Variants in RAD54L2 observed in about 807,000 individuals in gnomAD.
The protein encoded by RAD54L2 is RAD54 like 2, also known as helicase ARIP4.
In RAD54L2, 27 loss-of-function variants were observed where a neutral mutation model predicts 138.4. The ratio of observed to expected loss-of-function variants is 0.20; its 90% CI spans 0.14 to 0.27. The LOEUF is 0.27. Among genes scored for constraint, RAD54L2 ranks in the 10% least tolerant of loss-of-function variants. The pLI is 1.00. For missense variants in RAD54L2, 1,396 were observed against 1,890.2 expected, an observed-to-expected ratio of 0.74 and a Z score of 4.85; for synonymous variants, 644 against 723.2, an observed-to-expected ratio of 0.89 and a Z score of 1.76.
chr3:51,552,706 G>A (rs1698869425), intron 2 of RAD54L2, among the ~76,000 whole-genome samples: 1 of 151,652 alleles, frequency 6.6e-6, no homozygotes, highest in African/African-American at 2.4e-5. Flanking sequence ...TGAGGTAGCT[G>A]GGATTACAGG....
At chr3:51,650,526 G>A (rs980567834) in intron 19 of RAD54L2, among the ~76,000 whole-genome samples, 7 of 152,054 alleles carry the variant, frequency 4.6e-5, no homozygotes, top group South Asian at 2.1e-4. Flanking sequence ...AATTGACCAC[G>A]TAGTTGGAAG....
intron 19 of RAD54L2, among the ~76,000 whole-genome samples, chr3:51,646,894 G>A (rs1701293436): frequency 6.6e-6 from 1 of 152,150 alleles, no homozygotes; most frequent in African/African-American, 2.4e-5. Flanking sequence ...CTCCTAAGGG[G>A]ATTCCATTCT....
intron 7 of RAD54L2, 135 bp from the exon 8 acceptor site, chr3:51,633,442 T>G (rs769865908): frequency 2.1e-4 from 177 of 846,000 alleles, no homozygotes; most frequent in Non-Finnish European, 2.9e-4. Flanking sequence ...ACAGGGAATC[T>G]TCTATGGCCA....
intron 3 of RAD54L2, among the ~76,000 whole-genome samples, chr3:51,593,949 A>AT (rs879672781): frequency 1.3e-5 from 2 of 148,764 alleles, no homozygotes; most frequent in Non-Finnish European, 1.5e-5. Context: ...TAATTTTTAG[A>AT]TTTTTTTTCT....
chr3:51,540,226 C>CTAACA (rs1553671060), intron 1 of RAD54L2, among the ~76,000 whole-genome samples: 1 of 152,218 alleles, frequency 6.6e-6, no homozygotes, highest in Non-Finnish European at 1.5e-5. Context: ...TAAGAAAACT[C>CTAACA]TAACATTTAT....
chr3:51,608,693 G>A (rs1307501585), intron 3 of RAD54L2, among the ~76,000 whole-genome samples: 1 of 152,210 alleles, frequency 6.6e-6, no homozygotes, highest in Admixed American at 6.5e-5. Flanking sequence ...AGGTGTGGCG[G>A]CGCACGCCTG....
At chr3:51,576,036 T>C (rs1315759436) in intron 2 of RAD54L2, among the ~76,000 whole-genome samples, 1 of 152,218 alleles carries the variant, frequency 6.6e-6, no homozygotes, top group East Asian at 1.9e-4. Flanking sequence ...ATACCTAGTT[T>C]ATTGAGAGTT....
At chr3:51,583,429 A>ATTTT (rs1173291351) in intron 2 of RAD54L2, among the ~76,000 whole-genome samples, 1 of 143,456 alleles carries the variant, frequency 7.0e-6, no homozygotes, top group Non-Finnish European at 1.5e-5. Context: ...CTTTTTTTTT[A>ATTTT]TTTTTTTTTT....
intron 19 of RAD54L2, among the ~76,000 whole-genome samples, chr3:51,648,118 T>C (rs1224500295): frequency 6.6e-6 from 1 of 152,130 alleles, no homozygotes. Context: ...CCAACGGTCT[T>C]AGCAAACGGC....
intron 3 of RAD54L2, among the ~76,000 whole-genome samples, chr3:51,626,117 C>T (rs1043420891): frequency 1.3e-5 from 2 of 152,108 alleles, no homozygotes; most frequent in African/African-American, 4.8e-5. Flanking sequence ...AAAAACCCCA[C>T]AAAGTTCCTG....
chr3:51,586,921 T>C (rs141882634), intron 2 of RAD54L2, among the ~76,000 whole-genome samples: 59 of 152,244 alleles, frequency 3.9e-4, no homozygotes, highest in African/African-American at 1.3e-3. Context: ...TTGTGCTGTT[T>C]ACAACCATTG....
chr3:51,655,902 C>T, intron 19 of RAD54L2, 69 bp from the exon 20 acceptor site: 1 of 1,387,458 alleles, frequency 7.2e-7, no homozygotes, highest in Non-Finnish European at 1.0e-6. Context: ...TAGAAAGGCT[C>T]TGTAGCCTTT....
At chr3:51,600,116 A>T (rs80301381) in intron 3 of RAD54L2, among the ~76,000 whole-genome samples, 30 of 151,688 alleles carry the variant, frequency 2.0e-4, no homozygotes, top group Middle Eastern at 3.4e-3. Context: ...TATTTTTAGT[A>T]TATTTTTAGT....
chr3:51,633,536 C>T (rs1324118982), intron 7 of RAD54L2, 41 bp from the exon 8 acceptor site: 14 of 1,569,202 alleles, frequency 8.9e-6, no homozygotes, highest in Non-Finnish European at 1.2e-5. Context: ...GAGCCCTCAT[C>T]TTTGTGAGCC....
In RAD54L2 at chr3:51,645,298, G is replaced by A; in HGVS notation, c.2656+69G>A. 1 of 1,447,308 alleles carries A rather than the reference G, an allele frequency of 6.9e-7. No homozygotes were observed. Among genetic ancestry groups the A allele is most frequent in the African/African-American group, 1.4e-5 (1 of 71,168 alleles). 89.7% of individuals were successfully genotyped at this position (1,447,308 alleles called of 1,614,324 possible). A position where few individuals can be genotyped will look rare whatever the true frequency, so the allele number is the denominator to read the frequency against. On this transcript the variant is annotated intron_variant, in intron 17 of 22. Coordinates refer to ENST00000684192, the MANE Select transcript of RAD54L2 (RefSeq NM_015106.4). The surrounding 1 kb of genome is among the most constrained non-coding windows in gnomAD (Gnocchi z 6.1). ...TACCATCCTTTTAGTATCAAGGGTG[G>A]GAGAGGAGCAGGATATGGGAACACA...
At chr3:51,641,956 C>A in intron 15 of RAD54L2, 89 bp downstream of exon 15, 1 of 883,142 alleles carries the variant, frequency 1.1e-6, no homozygotes, top group Non-Finnish European at 1.8e-6. Flanking sequence ...TTCTCCACTC[C>A]ATCAAATGCA....
intron 3 of RAD54L2, among the ~76,000 whole-genome samples, chr3:51,616,022 TA>T (rs1700434726): frequency 6.6e-6 from 1 of 152,136 alleles, no homozygotes; most frequent in African/African-American, 2.4e-5. Flanking sequence ...ATAATATACA[TA>T]TTTGGGGGGC....
chr3:51,643,930 T>C lies in RAD54L2; in HGVS notation c.2406T>C (p.Asn802=), dbSNP rs1464039284. The C allele has an allele frequency of 1.2e-6, 2 of 1,607,770 alleles. No individual in the cohort carries two copies. The highest frequency in any genetic ancestry group is 3.4e-5 in the Admixed American group (2 of 59,304). The part of the protein sequence containing the change: ...FERERLINQF[N]DPSNLTTWLF... ...GGGAGCGGCTTATTAATCAGTTCAA[T>C]GATCCCAGCAACCTCACCACCTGGC... is the stretch of plus-strand genomic sequence containing the variant. The change falls in exon 16 of 23, where the codon AAT becomes AAC. Residue 802 remains asparagine (N), a synonymous_variant. Coordinates refer to ENST00000684192, the MANE Select transcript of RAD54L2 (RefSeq NM_015106.4).
intron 21 of RAD54L2, among the ~76,000 whole-genome samples, chr3:51,658,266 A>T (rs538042042): frequency 6.6e-6 from 1 of 152,254 alleles, no homozygotes; most frequent in African/African-American, 2.4e-5. Flanking sequence ...TTGGGATGGG[A>T]CAAGTAGACA....
Sources: allele counts gnomAD v4.1 joint callset (sites outside exome capture counted in the v4.1 genomes callset), GRCh38; gene constraint gnomAD v4.1.1; non-coding constraint Gnocchi (gnomAD v3.1); transcripts MANE v1.5; gene names NCBI Gene and HGNC (gene_info 2026-07-23, HGNC 2026-07-21).